CLMP: variants seen among roughly 807,000 people sequenced by gnomAD.
CLMP encodes CXADR like cell adhesion molecule, also known as CXADR-like membrane protein.
In CLMP, 27 loss-of-function variants were observed where a neutral mutation model predicts 45.2. The ratio of observed to expected loss-of-function variants is 0.60; its 90% CI spans 0.44 to 0.82. The LOEUF (loss-of-function observed/expected upper bound fraction) is 0.82. Among genes scored for constraint, CLMP ranks in the 40% least tolerant of loss-of-function variants. The pLI is 0.00. For synonymous variants in CLMP, 167 were observed against 171.4 expected (o/e 0.97, Z 0.20); for missense variants, 403 against 448.4 (o/e 0.90, Z 0.91).
At chr11:123,140,179 C>T (rs10892971) in intron 1 of CLMP, among the ~76,000 whole-genome samples, 10 of 152,014 alleles carry the variant, frequency 6.6e-5, no homozygotes, top group East Asian at 1.9e-4. Context: ...ATGTGGGATG[C>T]GGTGTTGATG....
chr11:123,190,713 G>A (rs999714435), intron 1 of CLMP, among the ~76,000 whole-genome samples: 7 of 152,150 alleles, frequency 4.6e-5, no homozygotes, highest in African/African-American at 1.2e-4. Flanking sequence ...ATGTTATGAC[G>A]CCTGCCTGAT....
chr11:123,095,649 GGGCTT>G (rs770884729), intron 2 of CLMP, among the ~76,000 whole-genome samples: 21 of 152,132 alleles, frequency 1.4e-4, no homozygotes, highest in Non-Finnish European at 2.6e-4. Context: ...GTCAGAGATT[GGGCTT>G]GACTCTGATT....
intron 1 of CLMP, among the ~76,000 whole-genome samples, chr11:123,131,205 C>G (rs1044425214): frequency 6.6e-6 from 1 of 152,038 alleles, no homozygotes; most frequent in Non-Finnish European, 1.5e-5. Context: ...TTCTTTCCCC[C>G]CAAATAGTAT....
At chr11:123,078,200 A>G (rs1865762249) in intron 5 of CLMP, among the ~76,000 whole-genome samples, 1 of 152,204 alleles carries the variant, frequency 6.6e-6, no homozygotes, top group South Asian at 2.1e-4. Context: ...ATTACTGGAT[A>G]AAATGGAATG....
At chr11:123,187,450 AT>A (rs1320667123) in intron 1 of CLMP, among the ~76,000 whole-genome samples, 1 of 152,174 alleles carries the variant, frequency 6.6e-6, no homozygotes. Context: ...TCACAAAGCA[AT>A]TTCTCTCTCA....
intron 1 of CLMP, among the ~76,000 whole-genome samples, chr11:123,142,629 T>TC (rs1185015563): frequency 8.0e-6 from 1 of 125,572 alleles, no homozygotes; most frequent in East Asian, 2.3e-4. Flanking sequence ...TTCTTTTTTT[T>TC]TTTTTTTTTG....
intron 1 of CLMP, among the ~76,000 whole-genome samples, chr11:123,193,998 C>A (rs1013371957): frequency 6.6e-6 from 1 of 152,160 alleles, no homozygotes; most frequent in Non-Finnish European, 1.5e-5. Flanking sequence ...CTTCAGGGTG[C>A]ATAGTGACGT....
intron 1 of CLMP, among the ~76,000 whole-genome samples, chr11:123,144,841 T>A (rs1861215201): frequency 6.6e-6 from 1 of 152,180 alleles, no homozygotes; most frequent in Non-Finnish European, 1.5e-5. Context: ...AGCTGGTGGA[T>A]CCCTTTCGAC....
chr11:123,085,769 G>GTTTTTTTTTTTTTTTTTTT (rs200240564), intron 2 of CLMP, among the ~76,000 whole-genome samples: 1 of 134,210 alleles, frequency 7.5e-6, no homozygotes, highest in Non-Finnish European at 1.6e-5. Context: ...AATTTTTTAT[G>GTTTTTTTTTTTTTTTTTTT]TTTTTTTTTT....
At chr11:123,106,111 C>G (rs1041965099) in intron 1 of CLMP, among the ~76,000 whole-genome samples, 3 of 152,008 alleles carry the variant, frequency 2.0e-5, no homozygotes, top group Non-Finnish European at 4.4e-5. Flanking sequence ...CCACCATGCC[C>G]TGCTATTATG....
intron 1 of CLMP, among the ~76,000 whole-genome samples, chr11:123,152,563 T>TAAAA (rs776169616): frequency 2.0e-4 from 30 of 150,060 alleles, no homozygotes; most frequent in African/African-American, 2.7e-4. Context: ...AATAAATAAA[T>TAAAA]AAAAAATAAA....
intron 1 of CLMP, among the ~76,000 whole-genome samples, chr11:123,103,611 A>C (rs528826313): frequency 6.6e-6 from 1 of 152,122 alleles, no homozygotes; most frequent in Non-Finnish European, 1.5e-5. Flanking sequence ...ATACACTTCT[A>C]GTCTTCCTTG....
intron 1 of CLMP, among the ~76,000 whole-genome samples, chr11:123,168,311 C>T (rs558676379): frequency 5.6e-4 from 85 of 152,200 alleles, no homozygotes; most frequent in Middle Eastern, 3.4e-3. Context: ...GCTGGGGCCA[C>T]GGCACTCCAG....
intron 1 of CLMP, among the ~76,000 whole-genome samples, chr11:123,153,866 T>C (rs913675755): frequency 1.4e-3 from 191 of 140,522 alleles, no homozygotes; most frequent in African/African-American, 4.6e-3. Context: ...TTTTTTTTTT[T>C]TAAGAGATGG....
chr11:123,177,290 A>G (rs577983197), intron 1 of CLMP, among the ~76,000 whole-genome samples: 8 of 152,088 alleles, frequency 5.3e-5, no homozygotes, highest in African/African-American at 7.2e-5. Flanking sequence ...GGTCTTAGGA[A>G]GCAAAAATGA....
chr11:123,090,047 C>T (rs1249654542), intron 2 of CLMP, among the ~76,000 whole-genome samples: 1 of 151,328 alleles, frequency 6.6e-6, no homozygotes, highest in African/African-American at 2.4e-5. Context: ...CAAGATCACG[C>T]CATTGCACTC....
chr11:123,157,022 G>T (rs1283017299), intron 1 of CLMP, among the ~76,000 whole-genome samples: 1 of 152,186 alleles, frequency 6.6e-6, no homozygotes, highest in Admixed American at 6.5e-5. Context: ...GAAAACAGAG[G>T]AATCCCAGAG....
chr11:123,136,440 C>T (rs1451218436), intron 1 of CLMP: 6 of 309,014 alleles, frequency 1.9e-5, no homozygotes, highest in Non-Finnish European at 3.3e-5. Context: ...CCTCCTTGTC[C>T]CCCCCCACCC....
chr11:123,100,853 C>T (rs1017959219), intron 1 of CLMP, among the ~76,000 whole-genome samples: 3 of 151,814 alleles, frequency 2.0e-5, no homozygotes, highest in Non-Finnish European at 4.4e-5. Context: ...TTGGCATCCT[C>T]CCCAAAACAG....
Sources: allele counts gnomAD v4.1 joint callset (sites outside exome capture counted in the v4.1 genomes callset), GRCh38; gene constraint gnomAD v4.1.1; transcripts MANE v1.5; gene names NCBI Gene and HGNC (gene_info 2026-07-23, HGNC 2026-07-21).